The following CPAMD8 variants were observed in gnomAD, a reference collection of about 807,000 sequenced individuals.
CPAMD8 encodes the protein C3 and PZP like alpha-2-macroglobulin domain containing 8.
In CPAMD8, 146 loss-of-function variants were observed where a neutral mutation model predicts 224.7. That is an observed-to-expected ratio of 0.65 (90% CI 0.57 to 0.75). The LOEUF (loss-of-function observed/expected upper bound fraction) is 0.75, where lower values mean the gene tolerates loss of function less well. Among genes scored for constraint, CPAMD8 ranks in the 30% least tolerant of loss-of-function variants. CPAMD8 has a pLI of 0.00. For synonymous variants in CPAMD8, 966 were observed against 1,044.6 expected (o/e 0.92, Z 1.45); for missense variants, 2,301 against 2,537.5 (o/e 0.91, Z 2.00).
At chr19:17,008,779 G>A in intron 6 of CPAMD8, 1 of 608,426 alleles carries the variant, frequency 1.6e-6, no homozygotes, top group South Asian at 1.9e-5. Flanking sequence ...CATTTAGGGA[G>A]CCGTGTACAA....
intron 18 of CPAMD8, among the ~76,000 whole-genome samples, chr19:16,958,467 C>T (rs771978487): frequency 1.3e-5 from 2 of 152,178 alleles, no homozygotes; most frequent in Non-Finnish European, 2.9e-5. Flanking sequence ...TTTTTTATGG[C>T]TGCATAGTAT....
At position 16,927,347 on chromosome 19, in the gene CPAMD8, T is replaced by C. The variant is rs4808058; in HGVS notation, c.3370+662A>G. Among the ~76,000 whole-genome samples the C allele has an allele frequency of 1.4e-4, 22 of 152,228 alleles. 2 individuals are homozygous for C. The highest frequency in any genetic ancestry group is 1.3e-3 in the Admixed American group (20 of 15,290). On this transcript the variant is annotated intron_variant, in intron 25 of 41. Coordinates refer to ENST00000443236, the MANE Select transcript of CPAMD8 (RefSeq NM_015692.5). ...CATTCTCTCATTCTCCCTGGGACCA[T>C]GTAAGACGTACCTGTCGCCTTCCAC...
chr19:16,987,730 G>C (rs561081786), intron 13 of CPAMD8, among the ~76,000 whole-genome samples: 2 of 151,960 alleles, frequency 1.3e-5, no homozygotes, highest in African/African-American at 4.8e-5. Context: ...GTTTCACTGC[G>C]GTCCCAATCT....
intron 9 of CPAMD8, among the ~76,000 whole-genome samples, 173 bp from the exon 10 acceptor site, chr19:17,000,695 G>C (rs1039834990): frequency 1.3e-5 from 2 of 152,182 alleles, no homozygotes; most frequent in African/African-American, 4.8e-5. Flanking sequence ...AATCGGGACA[G>C]AAGATGCCAA....
chr19:16,893,012 T>C lies in CPAMD8; in HGVS notation c.*96A>G. The C allele has an allele frequency of 1.3e-6, 1 of 774,096 alleles. No individual in the cohort carries two copies. Among genetic ancestry groups the C allele is most frequent in the Non-Finnish European group, 2.4e-6 (1 of 415,032 alleles). The allele number at this position is 774,096 out of a possible 1,614,324, so 48.0% of individuals were successfully genotyped here. A position where few individuals can be genotyped will look rare whatever the true frequency, so the allele number is the denominator to read the frequency against. On this transcript the variant is annotated 3_prime_UTR_variant, in exon 42 of 42. Coordinates refer to ENST00000443236, the MANE Select transcript of CPAMD8 (RefSeq NM_015692.5). ...TCCTGGAGTGATCATTTACCAGAGT[T>C]TTCTGAGATGTTAACCACAGGCACA... is the stretch of plus-strand genomic sequence containing the variant.
rs138910906 is a variant in CPAMD8 at position 17,021,869 on chromosome 19, G to A, written c.244+161C>T. ...ACTCTCTCTCCATCTGTAGAATGAG[G>A]AGAATGCAACCTGTCTTCCCTCCCT... On this transcript the variant is annotated intron_variant, in intron 2 of 41. Transcript: ENST00000443236. 2.0e-5 allele frequency among the ~76,000 whole-genome samples: 3 copies of A among 152,352 alleles called. No homozygotes were observed. The East Asian group carries it at 5.8e-4, about 29-fold the overall frequency.
intron 36 of CPAMD8, 149 bp downstream of exon 36, chr19:16,901,061 A>G (rs1261635924): frequency 8.9e-6 from 5 of 563,694 alleles, no homozygotes; most frequent in East Asian, 6.4e-5. Flanking sequence ...GGGGGAGGGG[A>G]AGGGGGAGGG....
chr19:16,973,027 G>A (rs2055119916), intron 17 of CPAMD8, among the ~76,000 whole-genome samples: 1 of 151,952 alleles, frequency 6.6e-6, no homozygotes, highest in Non-Finnish European at 1.5e-5. Context: ...AAATTAGCGA[G>A]GCATGATGGC....
intron 12 of CPAMD8, among the ~76,000 whole-genome samples, chr19:16,992,975 C>T (rs555950722): frequency 2.6e-5 from 4 of 152,166 alleles, no homozygotes; most frequent in Admixed American, 2.0e-4. Context: ...CTGACACTGC[C>T]TTCCACTGAG....
intron 1 of CPAMD8, among the ~76,000 whole-genome samples, chr19:17,023,853 A>G (rs1227703098): frequency 6.6e-6 from 1 of 152,194 alleles, no homozygotes; most frequent in Non-Finnish European, 1.5e-5. Context: ...AAGTGCTGGG[A>G]TTACAGGCCC....
At chr19:17,002,119 A>T in intron 9 of CPAMD8, 147 bp downstream of exon 9, 1 of 610,624 alleles carries the variant, frequency 1.6e-6, no homozygotes, top group Admixed American at 2.8e-5. Flanking sequence ...GGCACACCCC[A>T]GGGAGGAGGG....
At chr19:16,896,059 G>C (rs749421408) in intron 41 of CPAMD8, 117 bp downstream of exon 41, 1 of 1,148,712 alleles carries the variant, frequency 8.7e-7, no homozygotes, top group South Asian at 1.2e-5. Context: ...ACTGCCAGTG[G>C]GGGGTCGGGG....
chr19:16,971,158 A>C lies in CPAMD8; in HGVS notation c.2071-125T>G, dbSNP rs561577104. Reference sequence around the variant, plus strand: ...ATCAGCTTGTGGCAACCTTGGGGGCATCATTCTTTTTTTGCTTTTTTGGGT... The same window carrying C: ...ATCAGCTTGTGGCAACCTTGGGGGCCTCATTCTTTTTTTGCTTTTTTGGGT... On this transcript the variant is annotated intron_variant, in intron 17 of 41. Coordinates refer to ENST00000443236, the MANE Select transcript of CPAMD8 (RefSeq NM_015692.5). 1.5e-4 allele frequency: 118 copies of C among 813,114 alleles called. 1 individual carries two copies. In the South Asian group the frequency reaches 2.0e-3, roughly 14 times the overall value. The allele number at this position is 813,114 out of a possible 1,614,324, so 50.4% of individuals were successfully genotyped here. A position where few individuals can be genotyped will look rare whatever the true frequency, so the allele number is the denominator to read the frequency against.
intron 29 of CPAMD8, 110 bp from the exon 30 acceptor site, chr19:16,907,227 CCTTG>C: frequency 3.0e-6 from 4 of 1,325,118 alleles, no homozygotes; most frequent in Non-Finnish European, 3.9e-6. Context: ...ACTCCTAGCC[CCTTG>C]CTTTGCATCC....
At chr19:16,908,920 G>A (rs565218984) in intron 29 of CPAMD8, among the ~76,000 whole-genome samples, 3 of 152,226 alleles carry the variant, frequency 2.0e-5, no homozygotes, top group South Asian at 4.2e-4. Context: ...CAGGTCACGC[G>A]GGCCAGGACG....
intron 3 of CPAMD8, among the ~76,000 whole-genome samples, chr19:17,016,899 T>C (rs1196819741): frequency 1.3e-5 from 2 of 151,792 alleles, no homozygotes; most frequent in Non-Finnish European, 2.9e-5. Context: ...TTTTTTTTTT[T>C]TTCTTTTTTC....
rs866982775 is a variant in CPAMD8 at position 16,993,736 on chromosome 19, G to A, written c.1096-150C>T. The A allele has an allele frequency of 3.4e-5, 25 of 738,358 alleles. No individual in the cohort carries two copies. In the Middle Eastern group the frequency reaches 2.8e-3, roughly 82 times the overall value. The allele number at this position is 738,358 out of a possible 1,614,324, so 45.7% of individuals were successfully genotyped here. A position where few individuals can be genotyped will look rare whatever the true frequency, so the allele number is the denominator to read the frequency against. ...CCTGAAATTCACAGGGCATCGCAACGAGTTCCAAATCGCAAAAACAATCCT... is the reference window on the plus strand; with the variant it reads ...CCTGAAATTCACAGGGCATCGCAACAAGTTCCAAATCGCAAAAACAATCCT... On this transcript the variant is annotated intron_variant, in intron 11 of 41. Coordinates refer to ENST00000443236, the MANE Select transcript of CPAMD8 (RefSeq NM_015692.5).
chr19:16,957,656 C>T, intron 19 of CPAMD8, 197 bp downstream of exon 19: 1 of 620,172 alleles, frequency 1.6e-6, no homozygotes. Flanking sequence ...TCATATTTCA[C>T]AGGCAAACGT....
Position 16,896,478 on chromosome 19 carries a change from C to T in CPAMD8, c.5253G>A (p.Ala1751=), listed in dbSNP as rs1568443695. The T allele has an allele frequency of 6.9e-7, 1 of 1,440,908 alleles. No homozygotes were observed. The highest frequency in any genetic ancestry group is 2.5e-5 in the East Asian group (1 of 39,524). 89.3% of individuals were successfully genotyped at this position (1,440,908 alleles called of 1,614,324 possible). A position where few individuals can be genotyped will look rare whatever the true frequency, so the allele number is the denominator to read the frequency against. Residue 1751 remains alanine, a synonymous_variant, in exon 40 of 42, where the codon GCG becomes GCA. Transcript: ENST00000443236. ...ACRQAAPLEP[A]PPSCCALEQR... Reference sequence around the variant, plus strand: ...CACCGAGGGCGCAGCAGCTGGGAGGCGCGGGCTCCAGGGGCGCGGCCTGGC... The same window carrying T: ...CACCGAGGGCGCAGCAGCTGGGAGGTGCGGGCTCCAGGGGCGCGGCCTGGC...
Sources: gnomAD v4.1 joint callset for allele counts (sites outside exome capture counted in the v4.1 genomes callset) on GRCh38, gnomAD v4.1.1 for gene constraint, MANE v1.5 for transcripts, NCBI Gene and HGNC (gene_info 2026-07-23, HGNC 2026-07-21) for gene names.